ARFIP1: variants seen among roughly 807,000 people sequenced by gnomAD.
The protein encoded by ARFIP1 is arfaptin-1.
ARFIP1 carries 24 observed loss-of-function variants against 42.5 expected under a neutral mutation model. The observed-to-expected ratio is 0.57, with a 90% CI of 0.41 to 0.80. The LOEUF (loss-of-function observed/expected upper bound fraction) is 0.80, where lower values mean the gene tolerates loss of function less well. Among genes scored for constraint, ARFIP1 ranks in the 30% least tolerant of loss-of-function variants. The probability of loss-of-function intolerance (pLI) is 0.00; values close to 1 mark genes in which losing one functional copy is unlikely to be tolerated. For synonymous variants in ARFIP1, 141 were observed against 153.7 expected, an observed-to-expected ratio of 0.92 and a Z score of 0.61; for missense variants, 354 against 434.0, an observed-to-expected ratio of 0.82 and a Z score of 1.64.
At position 152,840,749 on chromosome 4, in the gene ARFIP1, G is replaced by A. The variant is rs148811982; in HGVS notation, c.93+11023G>A. ...TTTTTTTTTTTTGAGACAGCGTCTC[G>A]CTCTTGTTGCCCAGGGTGGAGTGCA... On this transcript the variant is annotated intron_variant, in intron 2 of 8. Transcript: ENST00000353617. 8.6e-3 allele frequency among the ~76,000 whole-genome samples: 1,117 copies of A among 130,472 alleles called. 14 individuals are homozygous for A. Among genetic ancestry groups the A allele is most frequent in the African/African-American group, 0.03 (1,032 of 34,894 alleles). The allele number at this position is 130,472 out of a possible 152,430, so 85.6% of individuals were successfully genotyped here. A position where few individuals can be genotyped will look rare whatever the true frequency, so the allele number is the denominator to read the frequency against.
intron 2 of ARFIP1, among the ~76,000 whole-genome samples, chr4:152,849,127 TA>T (rs1265389215): frequency 1.3e-5 from 2 of 152,204 alleles, no homozygotes; most frequent in Non-Finnish European, 2.9e-5. Context: ...ATTTTAAGTA[TA>T]TTTTTAATAT....
chr4:152,784,795 A>T (rs1730704557), intron 1 of ARFIP1, among the ~76,000 whole-genome samples: 1 of 152,238 alleles, frequency 6.6e-6, no homozygotes, highest in Non-Finnish European at 1.5e-5. Flanking sequence ...TTTTGTGAAA[A>T]TATGGCAGTG....
chr4:152,818,491 AG>A (rs1381037536), intron 1 of ARFIP1, among the ~76,000 whole-genome samples: 3 of 152,324 alleles, frequency 2.0e-5, no homozygotes, highest in African/African-American at 7.2e-5. Context: ...TCCCTATCAC[AG>A]GGGACCTCAT....
chr4:152,887,983 A>C (rs1736402796), intron 7 of ARFIP1, 150 bp from the exon 8 acceptor site: 1 of 478,710 alleles, frequency 2.1e-6, no homozygotes, highest in African/African-American at 2.0e-5. Flanking sequence ...TTAAAGAAAT[A>C]ATGATTTCAA....
chr4:152,886,033 G>A (rs1463108148), intron 7 of ARFIP1, among the ~76,000 whole-genome samples: 1 of 152,000 alleles, frequency 6.6e-6, no homozygotes, highest in African/African-American at 2.4e-5. Flanking sequence ...CATTCAGCTT[G>A]GCTCCTGAAC....
intron 2 of ARFIP1, among the ~76,000 whole-genome samples, chr4:152,862,406 A>G (rs1733965308): frequency 6.6e-6 from 1 of 151,628 alleles, no homozygotes; most frequent in Non-Finnish European, 1.5e-5. Flanking sequence ...TTGATTGCAT[A>G]TTGCCTTCAC....
At chr4:152,795,819 A>ATTTTTTTTT (rs1255846759) in intron 1 of ARFIP1, among the ~76,000 whole-genome samples, 1 of 16,774 alleles carries the variant, frequency 6.0e-5, no homozygotes, top group Non-Finnish European at 1.2e-4. Context: ...GGGCCCTTGT[A>ATTTTTTTTT]ATTTTTTTTT....
At chr4:152,905,195 T>C (rs1738209618) in intron 8 of ARFIP1, among the ~76,000 whole-genome samples, 1 of 152,210 alleles carries the variant, frequency 6.6e-6, no homozygotes, top group Non-Finnish European at 1.5e-5. Flanking sequence ...TCATTCCTCT[T>C]AGGCAAATAC....
At chr4:152,869,939 G>A (rs1734737081) in intron 3 of ARFIP1, among the ~76,000 whole-genome samples, 1 of 152,144 alleles carries the variant, frequency 6.6e-6, no homozygotes, top group South Asian at 2.1e-4. Context: ...AGTGGCTTTT[G>A]CAAAAGAATA....
chr4:152,827,748 T>C (rs1730954885), intron 1 of ARFIP1, among the ~76,000 whole-genome samples: 1 of 152,172 alleles, frequency 6.6e-6, no homozygotes, highest in African/African-American at 2.4e-5. Flanking sequence ...TGATGTTGGC[T>C]CACAGCAGCC....
At chr4:152,908,891 AGTGTGTGTGTGTGTGT>A (rs58362465) in intron 8 of ARFIP1, among the ~76,000 whole-genome samples, 32 of 132,462 alleles carry the variant, frequency 2.4e-4, no homozygotes, top group South Asian at 7.8e-4. Flanking sequence ...GCTAGAGAGA[AGTGTGTGTGTGTGTGT>A]GTGTGTGTGT....
intron 1 of ARFIP1, among the ~76,000 whole-genome samples, chr4:152,823,851 A>G (rs917497146): frequency 9.3e-5 from 14 of 149,942 alleles, no homozygotes; most frequent in Admixed American, 8.6e-4. Context: ...CTCGAGAAGG[A>G]GGGATTGCTC....
At chr4:152,878,734 T>C (rs1209887133) in intron 5 of ARFIP1, among the ~76,000 whole-genome samples, 2 of 152,202 alleles carry the variant, frequency 1.3e-5, no homozygotes, top group African/African-American at 2.4e-5. Context: ...GTAACCGTTA[T>C]TTCTGTGGGG....
chr4:152,801,112 G>A (rs1039165764), intron 1 of ARFIP1, among the ~76,000 whole-genome samples: 1 of 152,084 alleles, frequency 6.6e-6, no homozygotes, highest in African/African-American at 2.4e-5. Flanking sequence ...TAGACACATC[G>A]GGGAGGGAGA....
Position 152,825,784 on chromosome 4 carries a change from G to A in ARFIP1, c.-9-3841G>A, listed in dbSNP as rs145597723. Among the ~76,000 whole-genome samples the A allele has an allele frequency of 3.1e-3, 468 of 152,178 alleles. 3 individuals are homozygous for A. Among genetic ancestry groups the A allele is most frequent in the African/African-American group, 0.011 (441 of 41,522 alleles). ...ATGGGAGAAAATATTTGCAAATTATGCATCTGACAGCCAATATCCAGAATC... is the reference window on the plus strand; with the variant it reads ...ATGGGAGAAAATATTTGCAAATTATACATCTGACAGCCAATATCCAGAATC... On this transcript the variant is annotated intron_variant, in intron 1 of 8. Coordinates refer to ENST00000353617, the MANE Select transcript of ARFIP1 (RefSeq NM_001025595.3).
chr4:152,826,599 C>T (rs1291588412), intron 1 of ARFIP1, among the ~76,000 whole-genome samples: 4 of 152,038 alleles, frequency 2.6e-5, no homozygotes, highest in African/African-American at 7.3e-5. Flanking sequence ...AATCAAAAAC[C>T]ACTTGTACCC....
intron 1 of ARFIP1, among the ~76,000 whole-genome samples, chr4:152,805,981 T>C (rs1728964546): frequency 6.6e-6 from 1 of 152,222 alleles, no homozygotes; most frequent in African/African-American, 2.4e-5. Context: ...GGTTGGGGCC[T>C]GGGGCTGGGC....
intron 2 of ARFIP1, among the ~76,000 whole-genome samples, chr4:152,848,004 C>A (rs1471137230): frequency 6.6e-6 from 1 of 152,142 alleles, no homozygotes; most frequent in Non-Finnish European, 1.5e-5. Context: ...CCCCTGAACC[C>A]TGCATAAGGG....
At chr4:152,885,859 A>C (rs890865883) in intron 7 of ARFIP1, among the ~76,000 whole-genome samples, 1 of 151,970 alleles carries the variant, frequency 6.6e-6, no homozygotes, top group East Asian at 1.9e-4. Flanking sequence ...TAATTTGGCC[A>C]TAATAATAAG....
Sources: gnomAD v4.1 joint callset for allele counts (sites outside exome capture counted in the v4.1 genomes callset) on GRCh38, gnomAD v4.1.1 for gene constraint, MANE v1.5 for transcripts, NCBI Gene and HGNC (gene_info 2026-07-23, HGNC 2026-07-21) for gene names.